The following PCYT1B variants were observed in gnomAD, a reference collection of about 807,000 sequenced individuals.
PCYT1B encodes choline-phosphate cytidylyltransferase B.
In PCYT1B, 10 loss-of-function variants were observed where a neutral mutation model predicts 26.4. That is an observed-to-expected ratio of 0.38 (90% CI 0.23 to 0.64). The LOEUF (loss-of-function observed/expected upper bound fraction) is 0.64. PCYT1B is among the 30% of genes least tolerant of loss of function. The pLI is 0.56. For missense variants in PCYT1B, 161 were observed against 292.7 expected (o/e 0.55, Z 3.28); for synonymous variants, 131 against 108.4 (o/e 1.21, Z -1.29).
Position 24,647,012 on chromosome X carries a change from G to A in PCYT1B, c.94C>T (p.His32Tyr). Residue 32 changes from histidine to tyrosine, a missense_variant, in exon 1 of 8, where the codon CAC (histidine) becomes TAC (tyrosine). Transcript: ENST00000379144. ...ACCAGTCGAGGCTGTGGGCATGTGT[G>A]CTCTATTTCCTCCATGGTTTCTGAG... ...PPSETMEEIE[H>Y]TCPQPRLTLT... 1 of 1,209,423 alleles carries A rather than the reference G, an allele frequency of 8.3e-7. No individual in the cohort carries two copies. The highest frequency in any genetic ancestry group is 1.1e-6 in the Non-Finnish European group (1 of 893,352).
At chrX:24,604,939 G>A (rs761033517) in intron 3 of PCYT1B, among the ~76,000 whole-genome samples, 1 of 111,380 alleles carries the variant, frequency 9.0e-6, no homozygotes, top group East Asian at 2.8e-4. Context: ...CTACTATAGA[G>A]GACATCGTTC....
At chrX:24,636,844 A>G (rs1926286540) in intron 1 of PCYT1B, among the ~76,000 whole-genome samples, 1 of 111,997 alleles carries the variant, frequency 8.9e-6, no homozygotes, top group African/African-American at 3.2e-5. Flanking sequence ...TCAATGTTAC[A>G]TTTGTGAGAT....
At chrX:24,579,174 C>A in intron 6 of PCYT1B, 142 bp downstream of exon 6, 1 of 484,424 alleles carries the variant, frequency 2.1e-6, no homozygotes, top group South Asian at 4.0e-5. Context: ...ACAGTGAGAC[C>A]CCATCTCTAC....
At chrX:24,592,899 C>T (rs1458225748) in intron 3 of PCYT1B, among the ~76,000 whole-genome samples, 1 of 111,726 alleles carries the variant, frequency 9.0e-6, no homozygotes, top group Admixed American at 9.5e-5. Context: ...AAGTCTTTCC[C>T]CCTACCCTCT....
chrX:24,573,679 C>T lies in PCYT1B; in HGVS notation c.897+1451G>A, dbSNP rs141801733. 5.4e-3 allele frequency among the ~76,000 whole-genome samples: 598 copies of T among 111,316 alleles called. 6 individuals are homozygous for T. Among genetic ancestry groups the T allele is most frequent in the African/African-American group, 0.018 (563 of 30,668 alleles). On this transcript the variant is annotated intron_variant, in intron 7 of 7. Transcript: ENST00000379144. ...AATTTCATACCATATGTCATAGAGA[C>T]GAGAGAACAGGGTCTGTACTTTGTC...
In PCYT1B at chrX:24,659,508, G is replaced by T. The variant is rs149126941; in HGVS notation, c.63+13062C>A. Reference sequence around the variant, plus strand: ...AAATGATCTTTCCAAAAGCCCACGAGTATACAAATATCCTATTCTTGACAA... The same window carrying T: ...AAATGATCTTTCCAAAAGCCCACGATTATACAAATATCCTATTCTTGACAA... On this transcript the variant is annotated intron_variant, in intron 1 of 7. Transcript: ENST00000379145. 1.9e-3 allele frequency among the ~76,000 whole-genome samples: 213 copies of T among 112,073 alleles called. 1 individual carries two copies. Among genetic ancestry groups the T allele is most frequent in the African/African-American group, 6.7e-3 (208 of 30,910 alleles).
At chrX:24,595,606 G>A (rs895920538) in intron 3 of PCYT1B, among the ~76,000 whole-genome samples, 3 of 111,506 alleles carry the variant, frequency 2.7e-5, no homozygotes, top group African/African-American at 6.5e-5. Context: ...TAGGCCAGGC[G>A]CAGTGGCTCA....
chrX:24,624,072 C>T (rs1473076083), intron 1 of PCYT1B, among the ~76,000 whole-genome samples: 2 of 107,297 alleles, frequency 1.9e-5, no homozygotes, highest in Non-Finnish European at 1.9e-5. Flanking sequence ...CGGGTTCATG[C>T]CATTCTCCTG....
intron 2 of PCYT1B, among the ~76,000 whole-genome samples, chrX:24,608,107 A>T (rs1008373468): frequency 2.7e-5 from 3 of 110,901 alleles, no homozygotes; most frequent in African/African-American, 1.0e-4. Flanking sequence ...AAAACAGAGC[A>T]CTGAGGAGTT....
chrX:24,670,113 A>AAAGAAAGAAAGAAAGGAAGG (rs1602218930), intron 1 of PCYT1B, among the ~76,000 whole-genome samples: 3 of 23,582 alleles, frequency 1.3e-4, no homozygotes, highest in African/African-American at 3.2e-4. Flanking sequence ...AGAAAGAAAG[A>AAAGAAAGAAAGAAAGGAAGG]AAGGAAGGAA....
intron 1 of PCYT1B, among the ~76,000 whole-genome samples, chrX:24,629,107 A>G (rs1382828004): frequency 8.9e-6 from 1 of 112,161 alleles, no homozygotes; most frequent in Non-Finnish European, 1.9e-5. Flanking sequence ...TATTTTGATT[A>G]CAAAAAGATT....
exon 1 of PCYT1B, chrX:24,672,633 G>A (rs1927278983): frequency 8.4e-7 from 1 of 1,192,548 alleles, no homozygotes; most frequent in Admixed American, 2.2e-5. Flanking sequence ...GGCCTACCAT[G>A]CCTGCTCCTG....
intron 3 of PCYT1B, among the ~76,000 whole-genome samples, chrX:24,590,673 A>T (rs1924529011): frequency 9.0e-6 from 1 of 111,170 alleles, no homozygotes; most frequent in Non-Finnish European, 1.9e-5. Context: ...ACACAAATAC[A>T]TATACTTCTG....
intron 1 of PCYT1B, among the ~76,000 whole-genome samples, chrX:24,642,986 C>A (rs1460049626): frequency 8.9e-6 from 1 of 111,872 alleles, no homozygotes; most frequent in Non-Finnish European, 1.9e-5. Flanking sequence ...TTGAACCAAC[C>A]CTTTTTTATT....
chrX:24,629,591 C>CA (rs1330878773), intron 1 of PCYT1B, among the ~76,000 whole-genome samples: 7 of 67,120 alleles, frequency 1.0e-4, no homozygotes, highest in Non-Finnish European at 1.6e-4. Context: ...AAAAAAAAAA[C>CA]AACACGTATT....
In PCYT1B at chrX:24,607,634, T is replaced by C. The variant is rs184516417; in HGVS notation, c.334+111A>G. 122 of 461,527 alleles carry C rather than the reference T, an allele frequency of 2.6e-4. No homozygotes were observed. In the East Asian group the frequency reaches 3.7e-3, roughly 14 times the overall value. The allele number at this position is 461,527 out of a possible 1,213,427, so 38.0% of individuals were successfully genotyped here. On this transcript the variant is annotated intron_variant, in intron 3 of 7. Transcript: ENST00000379144. ...AACAAGCGAGCCAGTATGGGCTGAATTGGAAGCATTAACAATGTGAGATTT... is the reference window on the plus strand; with the variant it reads ...AACAAGCGAGCCAGTATGGGCTGAACTGGAAGCATTAACAATGTGAGATTT...
At chrX:24,668,754 A>G (rs1489846155) in intron 1 of PCYT1B, among the ~76,000 whole-genome samples, 3 of 110,102 alleles carry the variant, frequency 2.7e-5, no homozygotes, top group Non-Finnish European at 3.8e-5. Context: ...TTTCACATAG[A>G]ATTTCAAAAT....
rs1923260810 is a variant in PCYT1B, at chrX:24,558,815, A to G, written c.*3478T>C. On this transcript the variant is annotated 3_prime_UTR_variant, in exon 8 of 8. Coordinates refer to ENST00000379144, the MANE Select transcript of PCYT1B (RefSeq NM_004845.5). ...CAAGTCGTTCAGTGTGACTTATGGC[A>G]CAGCAATCCCACCCTTGTTTCTTAG... is the stretch of plus-strand genomic sequence containing the variant. 1 of 109,931 alleles carries G rather than the reference A, an allele frequency of 9.1e-6. No homozygotes were observed. Among genetic ancestry groups the G allele is most frequent in the African/African-American group, 3.3e-5 (1 of 30,180 alleles). The allele number at this position is 109,931 out of a possible 1,213,427, so 9.1% of individuals were successfully genotyped here.
At chrX:24,580,129 C>T (rs183664980) in intron 5 of PCYT1B, among the ~76,000 whole-genome samples, 266 of 112,266 alleles carry the variant, frequency 2.4e-3, no homozygotes, top group South Asian at 0.019. Context: ...GCAGTGACTG[C>T]GCCACTGCAC....
Sources: allele counts gnomAD v4.1 joint callset (sites outside exome capture counted in the v4.1 genomes callset), GRCh38; gene constraint gnomAD v4.1.1; transcripts MANE v1.5; gene names NCBI Gene and HGNC (gene_info 2026-07-23, HGNC 2026-07-21).